The following EYS variants were observed in gnomAD, a reference collection of about 807,000 sequenced individuals.
EYS encodes protein eyes shut homolog.
In EYS, 250 loss-of-function variants were observed where a neutral mutation model predicts 282.1. The ratio of observed to expected loss-of-function variants is 0.89; its 90% confidence interval spans 0.80 to 0.98. EYS has a LOEUF of 0.98. Among genes scored for constraint, EYS ranks in the 50% least tolerant of loss-of-function variants. The pLI is 0.00. For synonymous variants in EYS, 1,355 were observed against 1,282.9 expected (o/e 1.06, Z -1.20); for missense variants, 4,016 against 3,709.0 (o/e 1.08, Z -2.15).
At chr6:64,084,128 C>G (rs1562192062) in intron 31 of EYS, among the ~76,000 whole-genome samples, 1 of 152,114 alleles carries the variant, frequency 6.6e-6, no homozygotes, top group Non-Finnish European at 1.5e-5. Flanking sequence ...TTTAAGAATC[C>G]TGTAATTTTA....
intron 8 of EYS, 30 bp downstream of exon 8, chr6:65,384,356 A>G: frequency 7.9e-7 from 1 of 1,263,466 alleles, no homozygotes; most frequent in Non-Finnish European, 1.2e-6. Flanking sequence ...TGAAGGGCTA[A>G]CTTATGTTGC....
At chr6:65,383,909 A>C (rs1369218836) in intron 8 of EYS, among the ~76,000 whole-genome samples, 1 of 151,868 alleles carries the variant, frequency 6.6e-6, no homozygotes, top group East Asian at 1.9e-4. Flanking sequence ...AATATCTGAT[A>C]ATTTCTCTAA....
At chr6:64,503,492 T>C (rs536685331) in intron 26 of EYS, among the ~76,000 whole-genome samples, 2 of 152,318 alleles carry the variant, frequency 1.3e-5, no homozygotes, top group East Asian at 1.9e-4. Flanking sequence ...GTTCTGGTGA[T>C]TGTTAACGAT....
intron 28 of EYS, among the ~76,000 whole-genome samples, chr6:64,407,024 C>T (rs750063212): frequency 4.6e-4 from 70 of 152,242 alleles, no homozygotes; most frequent in Non-Finnish European, 9.4e-4. Context: ...GAACTGTTCA[C>T]AGTGCAAACA....
intron 28 of EYS, among the ~76,000 whole-genome samples, chr6:64,394,808 G>T (rs1773300388): frequency 6.6e-6 from 1 of 152,082 alleles, no homozygotes; most frequent in Non-Finnish European, 1.5e-5. Flanking sequence ...AAGAGCTTCT[G>T]CACAGCAAAA....
At chr6:64,722,304 C>T (rs1771610541) in intron 22 of EYS, among the ~76,000 whole-genome samples, 1 of 151,678 alleles carries the variant, frequency 6.6e-6, no homozygotes, top group African/African-American at 2.4e-5. Flanking sequence ...AATCAGAATC[C>T]TGGGCAGTAA....
intron 1 of EYS, among the ~76,000 whole-genome samples, chr6:65,643,436 T>C (rs922315527): frequency 7.2e-5 from 11 of 152,180 alleles, no homozygotes; most frequent in African/African-American, 2.7e-4. Context: ...CACCCGGTGG[T>C]CTTTCTCTAA....
chr6:64,447,279 T>C (rs1775147016), intron 26 of EYS, among the ~76,000 whole-genome samples: 1 of 152,160 alleles, frequency 6.6e-6, no homozygotes, highest in African/African-American at 2.4e-5. Flanking sequence ...TTTAAATTTC[T>C]GTGTTCTACA....
chr6:64,131,366 T>C (rs550304847), intron 31 of EYS, among the ~76,000 whole-genome samples: 1 of 152,180 alleles, frequency 6.6e-6, no homozygotes, highest in African/African-American at 2.4e-5. Context: ...ATACATAGTT[T>C]ACAAAGAAAA....
chr6:63,734,815 G>A (rs187307339), intron 41 of EYS, among the ~76,000 whole-genome samples: 71 of 152,200 alleles, frequency 4.7e-4, no homozygotes, highest in South Asian at 8.3e-4. Context: ...GGTTTAGTAG[G>A]CTGATGTATG....
intron 28 of EYS, among the ~76,000 whole-genome samples, chr6:64,407,353 C>G (rs952283524): frequency 6.6e-6 from 1 of 151,976 alleles, no homozygotes; most frequent in East Asian, 1.9e-4. Context: ...GTGTAGATGA[C>G]GGGTTGATGG....
intron 28 of EYS, among the ~76,000 whole-genome samples, chr6:64,397,301 G>C (rs1372025256): frequency 1.3e-5 from 2 of 151,934 alleles, no homozygotes; most frequent in Non-Finnish European, 2.9e-5. Flanking sequence ...TCCGTGTACT[G>C]CTCTGGTAAG....
chr6:65,068,084 G>A lies in EYS; in HGVS notation c.2024-10357C>T, dbSNP rs182303018. ...TGACGTTATCTTCTATGCCCTCATT[G>A]CATTTCTCCTTCTCTTAGAAACTCT... On this transcript the variant is annotated intron_variant, in intron 12 of 42. Transcript: ENST00000503581. Among the ~76,000 whole-genome samples, 44 of 152,134 alleles carry A rather than the reference G, an allele frequency of 2.9e-4. No individual in the cohort carries two copies. The East Asian group carries it at 8.5e-3, about 29-fold the overall frequency.
chr6:64,570,759 A>T (rs1765699524), intron 26 of EYS, among the ~76,000 whole-genome samples: 1 of 152,312 alleles, frequency 6.6e-6, no homozygotes, highest in South Asian at 2.1e-4. Flanking sequence ...TATACACCCA[A>T]TACAGGAGCA....
chr6:64,444,587 A>C (rs960230781), intron 26 of EYS, among the ~76,000 whole-genome samples: 2 of 152,208 alleles, frequency 1.3e-5, no homozygotes, highest in African/African-American at 4.8e-5. Context: ...AGTACTTGAG[A>C]GTATGCTGGA....
intron 22 of EYS, among the ~76,000 whole-genome samples, chr6:64,720,105 G>A (rs1771527128): frequency 6.6e-6 from 1 of 152,112 alleles, no homozygotes; most frequent in South Asian, 2.1e-4. Context: ...ATGTATCAGA[G>A]GGCATAGGGC....
chr6:65,109,156 AT>A (rs1425950307), intron 12 of EYS, among the ~76,000 whole-genome samples: 2 of 150,960 alleles, frequency 1.3e-5, no homozygotes, highest in Non-Finnish European at 3.0e-5. Context: ...AACTATTTTT[AT>A]TTTTTTCTTT....
At chr6:64,220,090 A>C (rs1181678682) in intron 31 of EYS, among the ~76,000 whole-genome samples, 1 of 152,100 alleles carries the variant, frequency 6.6e-6, no homozygotes, top group African/African-American at 2.4e-5. Flanking sequence ...TAAATGACAA[A>C]TTGGTGGGTA....
At chr6:65,573,687 A>G (rs913112455) in intron 2 of EYS, among the ~76,000 whole-genome samples, 1 of 152,152 alleles carries the variant, frequency 6.6e-6, no homozygotes, top group Non-Finnish European at 1.5e-5. Context: ...CCACAGCTAT[A>G]AGATGTTAGT....
Sources: allele counts gnomAD v4.1 joint callset (sites outside exome capture counted in the v4.1 genomes callset), GRCh38; gene constraint gnomAD v4.1.1; transcripts MANE v1.5; gene names NCBI Gene and HGNC (gene_info 2026-07-23, HGNC 2026-07-21).